The following NRXN1 variants were observed in gnomAD, a reference collection of about 807,000 sequenced individuals.
NRXN1 encodes the protein neurexin-1.
In NRXN1, 39 loss-of-function variants were observed where a neutral mutation model predicts 150.9. The observed-to-expected ratio is 0.26, with a 90% confidence interval of 0.20 to 0.34. The LOEUF (loss-of-function observed/expected upper bound fraction) is 0.34, where lower values mean the gene tolerates loss of function less well. NRXN1 is among the 10% of genes least tolerant of loss of function. The pLI is 1.00. For synonymous variants in NRXN1, 924 were observed against 757.0 expected (o/e 1.22, Z -3.62); for missense variants, 1,815 against 1,949.9 (o/e 0.93, Z 1.30).
In NRXN1 at chr2:49,919,887, C is replaced by T. The variant is rs1172775407; in HGVS notation, c.*2057G>A. On this transcript the variant is annotated 3_prime_UTR_variant, in exon 23 of 23. Coordinates refer to ENST00000401669, the MANE Select transcript of NRXN1 (RefSeq NM_001330078.2). ...GTCTGAAATCCAGGCCACTTCTTGG[C>T]TTTTTTTTCATCAACTAAAGTATCA... 1.3e-5 allele frequency: 2 copies of T among 151,816 alleles called. No individual in the cohort carries two copies. Among genetic ancestry groups the T allele is most frequent in the Non-Finnish European group, 2.9e-5 (2 of 67,920 alleles). 9.4% of individuals were successfully genotyped at this position (151,816 alleles called of 1,614,324 possible). A position where few individuals can be genotyped will look rare whatever the true frequency, so the allele number is the denominator to read the frequency against.
chr2:50,999,405 T>C (rs1320429875), intron 2 of NRXN1, among the ~76,000 whole-genome samples: 1 of 151,972 alleles, frequency 6.6e-6, no homozygotes, highest in Non-Finnish European at 1.5e-5. Flanking sequence ...AAGGTGTTTA[T>C]ATGGGGCTGA....
At chr2:50,217,498 C>T (rs1206393870) in intron 18 of NRXN1, among the ~76,000 whole-genome samples, 1 of 151,978 alleles carries the variant, frequency 6.6e-6, no homozygotes, top group Non-Finnish European at 1.5e-5. Flanking sequence ...TCTATAATTA[C>T]ATGCTTTAAA....
chr2:50,098,447 C>T (rs768880407), intron 18 of NRXN1, among the ~76,000 whole-genome samples: 1 of 152,084 alleles, frequency 6.6e-6, no homozygotes, highest in African/African-American at 2.4e-5. Flanking sequence ...AGCTCTAACA[C>T]TACCAGCAGG....
intron 21 of NRXN1, among the ~76,000 whole-genome samples, chr2:49,966,278 G>C (rs957653857): frequency 1.3e-5 from 2 of 152,022 alleles, no homozygotes; most frequent in Non-Finnish European, 2.9e-5. Context: ...TCTTCCTATT[G>C]TGTTTCTAGG....
chr2:50,942,976 T>C (rs1689715407), intron 2 of NRXN1, among the ~76,000 whole-genome samples: 1 of 152,152 alleles, frequency 6.6e-6, no homozygotes, highest in Non-Finnish European at 1.5e-5. Context: ...GTGTTGGAGT[T>C]AGGGGAGTGG....
chr2:50,027,388 C>T (rs112094040), intron 21 of NRXN1, among the ~76,000 whole-genome samples: 4 of 138,194 alleles, frequency 2.9e-5, no homozygotes, highest in African/African-American at 1.1e-4. Context: ...CTTCCTCCCT[C>T]CCTTCCTTCC....
At chr2:49,975,046 A>G (rs1417886847) in intron 21 of NRXN1, among the ~76,000 whole-genome samples, 1 of 151,348 alleles carries the variant, frequency 6.6e-6, no homozygotes, top group East Asian at 1.9e-4. Flanking sequence ...TACTGTAATA[A>G]CAGATATGTT....
intron 22 of NRXN1, among the ~76,000 whole-genome samples, chr2:49,931,373 T>C (rs968041624): frequency 2.6e-5 from 4 of 152,106 alleles, no homozygotes; most frequent in African/African-American, 9.7e-5. Flanking sequence ...TGCTTCAAGG[T>C]AATATGTCAC....
chr2:50,226,685 C>G lies in NRXN1; in HGVS notation c.3546+10104G>C, dbSNP rs560180307. ...GGCCTTTGAAGTATTTGCAGTAGAC[C>G]ACTGGTTCTCTATCAGAACTAGAAT... On this transcript the variant is annotated intron_variant, in intron 18 of 22. Coordinates refer to ENST00000401669, the MANE Select transcript of NRXN1 (RefSeq NM_001330078.2). Among the ~76,000 whole-genome samples, 3 of 151,964 alleles carry G rather than the reference C, an allele frequency of 2.0e-5. No homozygotes were observed. The South Asian group carries it at 6.2e-4, about 32-fold the overall frequency.
intron 5 of NRXN1, among the ~76,000 whole-genome samples, chr2:50,834,922 G>C (rs1671904362): frequency 6.6e-6 from 1 of 152,168 alleles, no homozygotes; most frequent in African/African-American, 2.4e-5. Flanking sequence ...AATGCAGTCA[G>C]TGTCTTCTTA....
At chr2:50,874,423 A>G (rs756829583) in intron 5 of NRXN1, among the ~76,000 whole-genome samples, 1 of 151,582 alleles carries the variant, frequency 6.6e-6, no homozygotes, top group Admixed American at 6.6e-5. Context: ...TAGATGAAAA[A>G]CCTGAGGCAC....
intron 5 of NRXN1, among the ~76,000 whole-genome samples, chr2:50,885,820 A>AACACACACACACACACACACACACACAC (rs57614861): frequency 7.0e-6 from 1 of 143,752 alleles, no homozygotes; most frequent in African/African-American, 2.5e-5. Flanking sequence ...TATTTCTATA[A>AACACACACACACACACACACACACACAC]ACACACACAC....
At chr2:50,948,001 A>C (rs1176964496) in intron 2 of NRXN1, among the ~76,000 whole-genome samples, 1 of 151,982 alleles carries the variant, frequency 6.6e-6, no homozygotes, top group Non-Finnish European at 1.5e-5. Context: ...CTCAAAATAC[A>C]TTAAAAAATC....
chr2:50,574,309 C>T (rs1296790375), intron 8 of NRXN1, among the ~76,000 whole-genome samples: 1 of 151,794 alleles, frequency 6.6e-6, no homozygotes, highest in East Asian at 1.9e-4. Flanking sequence ...AAGAGGATGT[C>T]GCTAAAAATT....
chr2:50,751,345 T>C (rs1402523382), intron 5 of NRXN1, among the ~76,000 whole-genome samples: 2 of 152,030 alleles, frequency 1.3e-5, no homozygotes, highest in Non-Finnish European at 2.9e-5. Context: ...GTTAGCAATG[T>C]CTACTGTATT....
chr2:50,203,217 CAA>C (rs972644176), intron 18 of NRXN1, among the ~76,000 whole-genome samples: 1 of 152,082 alleles, frequency 6.6e-6, no homozygotes, highest in African/African-American at 2.4e-5. Context: ...AGCCTGAAGT[CAA>C]AGAGGAATAG....
At chr2:50,825,089 A>G (rs1311150271) in intron 5 of NRXN1, among the ~76,000 whole-genome samples, 1 of 152,154 alleles carries the variant, frequency 6.6e-6, no homozygotes, top group East Asian at 1.9e-4. Flanking sequence ...CTTCCAACGT[A>G]TCTATAGTTT....
At chr2:50,371,335 C>G (rs766092452) in intron 17 of NRXN1, among the ~76,000 whole-genome samples, 3 of 152,042 alleles carry the variant, frequency 2.0e-5, no homozygotes, top group Non-Finnish European at 4.4e-5. Flanking sequence ...GCTTTATTGC[C>G]TCTCTTCTTT....
intron 5 of NRXN1, among the ~76,000 whole-genome samples, chr2:50,628,239 G>A (rs898231776): frequency 1.3e-5 from 2 of 151,748 alleles, no homozygotes; most frequent in African/African-American, 4.8e-5. Context: ...AATAAACTTT[G>A]AAGTTATATG....
Sources: gnomAD v4.1 joint callset for allele counts (sites outside exome capture counted in the v4.1 genomes callset) on GRCh38, gnomAD v4.1.1 for gene constraint, MANE v1.5 for transcripts, NCBI Gene and HGNC (gene_info 2026-07-23, HGNC 2026-07-21) for gene names.